The following SEMA5B variants were observed in gnomAD, a reference collection of about 807,000 sequenced individuals.
SEMA5B encodes the protein semaphorin 5B.
SEMA5B carries 66 observed loss-of-function variants against 135.0 expected under a neutral mutation model. The observed-to-expected ratio is 0.49, with a 90% CI of 0.40 to 0.60. The LOEUF (loss-of-function observed/expected upper bound fraction) is 0.60. Among genes scored for constraint, SEMA5B ranks in the 20% least tolerant of loss-of-function variants. The probability of loss-of-function intolerance (pLI) is 0.00; values close to 1 mark genes in which losing one functional copy is unlikely to be tolerated. For synonymous variants in SEMA5B, 690 were observed against 639.5 expected (o/e 1.08, Z -1.19); for missense variants, 1,501 against 1,566.3 (o/e 0.96, Z 0.70).
chr3:122,973,065 T>G (rs1941187298), intron 1 of SEMA5B, among the ~76,000 whole-genome samples: 1 of 152,208 alleles, frequency 6.6e-6, no homozygotes, highest in Non-Finnish European at 1.5e-5. Flanking sequence ...CACCTTGTTT[T>G]GGAAATCTAA....
chr3:122,999,456 C>T (rs1050042933), intron 1 of SEMA5B, among the ~76,000 whole-genome samples: 3 of 151,880 alleles, frequency 2.0e-5, no homozygotes, highest in Admixed American at 6.6e-5. Context: ...AACTCCCTAC[C>T]GCAGGTGATC....
intron 1 of SEMA5B, among the ~76,000 whole-genome samples, chr3:123,024,248 A>G (rs1039484634): frequency 6.6e-6 from 1 of 152,124 alleles, no homozygotes; most frequent in Non-Finnish European, 1.5e-5. Context: ...TCATCTTCCT[A>G]AATACACATA....
chr3:122,940,486 TTC>T (rs1939506986), intron 4 of SEMA5B, among the ~76,000 whole-genome samples: 1 of 152,238 alleles, frequency 6.6e-6, no homozygotes, highest in African/African-American at 2.4e-5. Flanking sequence ...CCCACCAATT[TTC>T]TTTCTTTGGT....
At chr3:122,915,237 A>G (rs1380326287) in intron 14 of SEMA5B, among the ~76,000 whole-genome samples, 2 of 152,224 alleles carry the variant, frequency 1.3e-5, no homozygotes, top group African/African-American at 4.8e-5. Flanking sequence ...ACCAAGAGAT[A>G]GAAACTTCTC....
chr3:122,910,594 G>T (rs1937633452), intron 22 of SEMA5B, among the ~76,000 whole-genome samples: 1 of 152,046 alleles, frequency 6.6e-6, no homozygotes, highest in African/African-American at 2.4e-5. Flanking sequence ...CGGATCACGA[G>T]GTCAGGAGAT....
chr3:122,986,744 G>T (rs1431278372), intron 1 of SEMA5B, among the ~76,000 whole-genome samples: 5 of 152,102 alleles, frequency 3.3e-5, no homozygotes, highest in Non-Finnish European at 5.9e-5. Context: ...TGCCAAGGGG[G>T]TGTCCACTCA....
At chr3:122,981,280 G>A (rs1357233299) in intron 1 of SEMA5B, among the ~76,000 whole-genome samples, 2 of 121,400 alleles carry the variant, frequency 1.6e-5, no homozygotes, top group African/African-American at 7.8e-5. Context: ...GCCCCTCGGG[G>A]CTTGTGTTGG....
At chr3:122,934,968 G>T (rs898956865) in intron 5 of SEMA5B, among the ~76,000 whole-genome samples, 1 of 152,098 alleles carries the variant, frequency 6.6e-6, no homozygotes, top group East Asian at 1.9e-4. Context: ...GGACAGGGAC[G>T]TGGGGGGATG....
At position 122,935,686 on chromosome 3, in the gene SEMA5B, C is replaced by CTTTTTTTTTTTTTTTTTTTTTTTTTTTTT. The variant is rs147968317; in HGVS notation, c.474+3738_474+3739insAAAAAAAAAAAAAAAAAAAAAAAAAAAAA. Among the ~76,000 whole-genome samples the CTTTTTTTTTTTTTTTTTTTTTTTTTTTTT allele has an allele frequency of 4.4e-4, 31 of 70,268 alleles. 1 individual carries two copies. Among genetic ancestry groups the CTTTTTTTTTTTTTTTTTTTTTTTTTTTTT allele is most frequent in the East Asian group, 1.2e-3 (3 of 2,518 alleles). 46.1% of individuals were successfully genotyped at this position (70,268 alleles called of 152,430 possible). A position where few individuals can be genotyped will look rare whatever the true frequency, so the allele number is the denominator to read the frequency against. ...CACTTTTTTTTCTTTTTCTTTCTTT[C>CTTTTTTTTTTTTTTTTTTTTTTTTTTTTT]TTTTTTTTTTTTTTTTTTTTTTTTG... On this transcript the variant is annotated intron_variant, in intron 5 of 22. Coordinates refer to ENST00000357599, the MANE Select transcript of SEMA5B (RefSeq NM_001031702.4).
At chr3:122,985,091 C>T (rs950532360) in intron 1 of SEMA5B, among the ~76,000 whole-genome samples, 2 of 152,158 alleles carry the variant, frequency 1.3e-5, no homozygotes, top group Admixed American at 1.3e-4. Context: ...TATAATGATG[C>T]AACTTGTTTG....
At chr3:122,947,700 G>A (rs1316642074) in intron 3 of SEMA5B, among the ~76,000 whole-genome samples, 1 of 152,076 alleles carries the variant, frequency 6.6e-6, no homozygotes, top group Non-Finnish European at 1.5e-5. Flanking sequence ...TCCCCAACAG[G>A]GTTACTATGA....
chr3:122,989,398 TG>T (rs1941802507), intron 1 of SEMA5B, among the ~76,000 whole-genome samples: 1 of 152,150 alleles, frequency 6.6e-6, no homozygotes, highest in Non-Finnish European at 1.5e-5. Context: ...GCAGAGGCAG[TG>T]TCCTGGCTCT....
chr3:122,998,516 G>C (rs1045275411), intron 1 of SEMA5B, among the ~76,000 whole-genome samples: 6 of 152,174 alleles, frequency 3.9e-5, no homozygotes, highest in Non-Finnish European at 8.8e-5. Context: ...GCAGGTGAAC[G>C]TGTTCTGGAA....
intron 1 of SEMA5B, among the ~76,000 whole-genome samples, chr3:122,983,486 A>T (rs1452080097): frequency 6.6e-6 from 1 of 151,942 alleles, no homozygotes; most frequent in Non-Finnish European, 1.5e-5. Context: ...AAACCTATAA[A>T]GACACACGAG....
intron 1 of SEMA5B, among the ~76,000 whole-genome samples, chr3:122,983,556 A>G (rs1028552046): frequency 1.2e-4 from 18 of 151,618 alleles, no homozygotes; most frequent in Admixed American, 1.2e-3. Context: ...ACAGAGTCCT[A>G]TTACTTGACT....
intron 1 of SEMA5B, among the ~76,000 whole-genome samples, chr3:122,962,684 A>G (rs1465555146): frequency 6.6e-6 from 1 of 152,236 alleles, no homozygotes; most frequent in Non-Finnish European, 1.5e-5. Context: ...TCAGTAACAC[A>G]TAAAGGGATG....
chr3:123,024,755 C>A (rs1042556250), intron 1 of SEMA5B, among the ~76,000 whole-genome samples: 13 of 152,200 alleles, frequency 8.5e-5, no homozygotes, highest in African/African-American at 2.9e-4. Context: ...ATATCCAAGG[C>A]AGATGAGCTC....
chr3:122,955,516 T>C (rs1348334826), intron 2 of SEMA5B, among the ~76,000 whole-genome samples: 1 of 152,220 alleles, frequency 6.6e-6, no homozygotes, highest in Non-Finnish European at 1.5e-5. Flanking sequence ...AACCAAATAC[T>C]CCCAAGACAA....
intron 5 of SEMA5B, among the ~76,000 whole-genome samples, chr3:122,935,225 C>T (rs1355904160): frequency 6.6e-6 from 1 of 152,066 alleles, no homozygotes; most frequent in Non-Finnish European, 1.5e-5. Flanking sequence ...CACTGGGAGG[C>T]CCTCTATGTC....
Sources: gnomAD v4.1 joint callset for allele counts (sites outside exome capture counted in the v4.1 genomes callset) on GRCh38, gnomAD v4.1.1 for gene constraint, MANE v1.5 for transcripts, NCBI Gene and HGNC (gene_info 2026-07-23, HGNC 2026-07-21) for gene names.